NCOA7: variants seen among roughly 807,000 people sequenced by gnomAD.
The protein encoded by NCOA7 is nuclear receptor coactivator 7, also known as 140 kDa estrogen receptor-associated protein.
In NCOA7, 45 loss-of-function variants were observed where a neutral mutation model predicts 104.3. The observed-to-expected ratio is 0.43, with a 90% CI of 0.34 to 0.55. NCOA7 has a LOEUF of 0.55. NCOA7 is among the 20% of genes least tolerant of loss of function. The pLI is 0.02. For synonymous variants in NCOA7, 398 were observed against 402.3 expected (o/e 0.99, Z 0.13); for missense variants, 1,041 against 1,119.7 (o/e 0.93, Z 1.00).
intron 2 of NCOA7, among the ~76,000 whole-genome samples, chr6:125,840,425 G>T (rs1338137196): frequency 6.6e-6 from 1 of 152,026 alleles, no homozygotes; most frequent in Non-Finnish European, 1.5e-5. Context: ...GTCTGCAGTA[G>T]AGCACAGTAA....
intron 11 of NCOA7, among the ~76,000 whole-genome samples, chr6:125,917,435 ATCT>A (rs762973447): frequency 6.6e-6 from 1 of 152,128 alleles, no homozygotes; most frequent in Non-Finnish European, 1.5e-5. Context: ...TCCCTGGAAC[ATCT>A]TCTCACACCC....
chr6:125,840,867 GGTTTTTTTTTTTTTTTTTTTT>G (rs1780074834), intron 2 of NCOA7, among the ~76,000 whole-genome samples: 26 of 50,674 alleles, frequency 5.1e-4, no homozygotes, highest in African/African-American at 1.4e-3. Flanking sequence ...TTGTTTGGTT[GGTTTTTTTTTTTTTTTTTTTT>G]TTTTTTTTTT....
At chr6:125,913,515 G>A (rs781349682) in intron 10 of NCOA7, 13 of 424,708 alleles carry the variant, frequency 3.1e-5, no homozygotes, top group Non-Finnish European at 4.1e-5. Context: ...ACACCAAGTT[G>A]AAACATAACC....
At chr6:125,792,485 C>G (rs1480599122) in intron 1 of NCOA7, among the ~76,000 whole-genome samples, 1 of 152,020 alleles carries the variant, frequency 6.6e-6, no homozygotes, top group East Asian at 1.9e-4. Flanking sequence ...GTAAGTTACG[C>G]CAGAGGAAAC....
intron 2 of NCOA7, among the ~76,000 whole-genome samples, chr6:125,854,275 A>G (rs1360261065): frequency 6.6e-6 from 1 of 152,196 alleles, no homozygotes. Flanking sequence ...TTAATTACAG[A>G]GTGATGTGTC....
chr6:125,859,931 A>AT (rs1168989338), intron 3 of NCOA7, among the ~76,000 whole-genome samples: 1 of 152,238 alleles, frequency 6.6e-6, no homozygotes, highest in African/African-American at 2.4e-5. Flanking sequence ...GAATTGCCTC[A>AT]TAACAACATG....
chr6:125,912,475 G>A (rs150051510), intron 10 of NCOA7, among the ~76,000 whole-genome samples: 23 of 152,330 alleles, frequency 1.5e-4, no homozygotes, highest in African/African-American at 5.1e-4. Flanking sequence ...AAGACAGTGA[G>A]AGATAAAAAG....
At position 125,878,359 on chromosome 6, in the gene NCOA7, G is replaced by T; in HGVS notation, c.448G>T (p.Val150Phe). 1 of 1,606,028 alleles carries T rather than the reference G, an allele frequency of 6.2e-7. No individual in the cohort carries two copies. Among genetic ancestry groups the T allele is most frequent in the Non-Finnish European group, 8.5e-7 (1 of 1,175,988 alleles). ...ELNKLFTHTI[V>F]PGQVLFVPDA... The stretch of plus-strand genomic sequence containing the variant: ...GAATAAACTTTTCACACATACTATT[G>T]TTCCAGGCCAGGTAATTATACTCTT... The change falls in exon 5 of 16, where the codon GTT becomes TTT. Residue 150 changes from valine (V) to phenylalanine (F), a missense_variant. Transcript: ENST00000392477.
At chr6:125,882,275 A>G (rs1234451826) in intron 6 of NCOA7, 151 bp from the exon 7 acceptor site, 1 of 756,320 alleles carries the variant, frequency 1.3e-6, no homozygotes, top group African/African-American at 1.8e-5. Flanking sequence ...TACATTTGTG[A>G]TATTTTTGAA....
At chr6:125,838,887 A>G (rs762216382) in intron 2 of NCOA7, among the ~76,000 whole-genome samples, 2 of 151,920 alleles carry the variant, frequency 1.3e-5, no homozygotes, top group Admixed American at 6.6e-5. Context: ...GAACAGCCCA[A>G]TGGAAGAGAG....
At chr6:125,858,938 C>T (rs1454379376) in intron 3 of NCOA7, among the ~76,000 whole-genome samples, 1 of 152,162 alleles carries the variant, frequency 6.6e-6, no homozygotes, top group Non-Finnish European at 1.5e-5. Flanking sequence ...CAGTTCACTG[C>T]TGCTTTTGGT....
intron 2 of NCOA7, among the ~76,000 whole-genome samples, chr6:125,827,543 C>T (rs1422804961): frequency 6.6e-6 from 1 of 152,106 alleles, no homozygotes; most frequent in Non-Finnish European, 1.5e-5. Context: ...CCACTTTAGA[C>T]ACAAGTTATG....
intron 1 of NCOA7, among the ~76,000 whole-genome samples, chr6:125,795,368 T>C (rs1322976161): frequency 6.6e-6 from 1 of 152,202 alleles, no homozygotes; most frequent in Non-Finnish European, 1.5e-5. Context: ...AGTATCCTCA[T>C]GGTTCAAAAG....
At chr6:125,920,848 T>A (rs1787508943) in intron 11 of NCOA7, 95 bp from the exon 12 acceptor site, 1 of 1,476,834 alleles carries the variant, frequency 6.8e-7, no homozygotes, top group African/African-American at 1.4e-5. Context: ...AAGCGTCACC[T>A]TTTCAAGCAC....
chr6:125,809,168 T>C (rs1404900099), intron 1 of NCOA7, among the ~76,000 whole-genome samples: 1 of 152,142 alleles, frequency 6.6e-6, no homozygotes, highest in Non-Finnish European at 1.5e-5. Flanking sequence ...GGGGGTATTA[T>C]CTGATTGCTC....
At chr6:125,872,481 A>G (rs1045092169) in intron 3 of NCOA7, among the ~76,000 whole-genome samples, 23 of 152,224 alleles carry the variant, frequency 1.5e-4, no homozygotes, top group African/African-American at 5.3e-4. Context: ...ACCTAAAGTG[A>G]CAGCTGTTTA....
chr6:125,853,165 T>G (rs1162483666), intron 2 of NCOA7, among the ~76,000 whole-genome samples: 1 of 152,120 alleles, frequency 6.6e-6, no homozygotes, highest in Admixed American at 6.6e-5. Context: ...GTTCTCTTTC[T>G]TTTTTCTCTG....
intron 11 of NCOA7, among the ~76,000 whole-genome samples, chr6:125,916,159 T>C (rs1298514452): frequency 6.6e-6 from 1 of 152,208 alleles, no homozygotes; most frequent in Admixed American, 6.5e-5. Context: ...GAGGGAGTTC[T>C]CACAAGATCT....
intron 2 of NCOA7, among the ~76,000 whole-genome samples, chr6:125,845,921 C>T (rs527374881): frequency 5.1e-4 from 77 of 152,210 alleles, no homozygotes; most frequent in Admixed American, 1.7e-3. Context: ...AAAATGGAGT[C>T]ATGCTGCAAT....
Sources: allele counts gnomAD v4.1 joint callset (sites outside exome capture counted in the v4.1 genomes callset), GRCh38; gene constraint gnomAD v4.1.1; transcripts MANE v1.5; gene names NCBI Gene and HGNC (gene_info 2026-07-23, HGNC 2026-07-21).